TTC14: variants seen among roughly 807,000 people sequenced by gnomAD.
The protein encoded by TTC14 is tetratricopeptide repeat protein 14.
TTC14 carries 63 observed loss-of-function variants against 79.9 expected under a neutral mutation model. The observed-to-expected ratio is 0.79, with a 90% confidence interval of 0.64 to 0.97. The LOEUF (loss-of-function observed/expected upper bound fraction) is 0.97, where lower values mean the gene tolerates loss of function less well. TTC14 is among the 50% of genes least tolerant of loss of function. TTC14 has a pLI of 0.00. For synonymous variants in TTC14, 335 were observed against 309.6 expected (o/e 1.08, Z -0.86); for missense variants, 895 against 894.0 (o/e 1.00, Z -0.01).
At chr3:180,605,698 C>T in intron 6 of TTC14, 68 bp from the exon 7 acceptor site, 1 of 1,153,010 alleles carries the variant, frequency 8.7e-7, no homozygotes, top group Non-Finnish European at 1.2e-6. Flanking sequence ...GCCTGTCAAG[C>T]AGAGTTAAGT....
chr3:180,605,952 T>C (rs1307340669), intron 7 of TTC14, 115 bp downstream of exon 7: 2 of 1,074,476 alleles, frequency 1.9e-6, no homozygotes, highest in Non-Finnish European at 2.7e-6. Context: ...GTGATGCCTT[T>C]TTGACATGAG....
chr3:180,608,183 A>G, intron 10 of TTC14: 1 of 997,252 alleles, frequency 1.0e-6, no homozygotes, highest in South Asian at 4.4e-5. Flanking sequence ...TGTCTGTGAC[A>G]TCTGGTGCTG....
intron 5 of TTC14, 73 bp from the exon 6 acceptor site, chr3:180,604,779 G>A: frequency 6.7e-7 from 1 of 1,487,660 alleles, no homozygotes; most frequent in Non-Finnish European, 9.1e-7. Flanking sequence ...AACCTCAAAT[G>A]ATATTATTTC....
chr3:180,611,827 GAAT>G (rs1717004629), downstream of TTC14, among the ~76,000 whole-genome samples: 1 of 152,198 alleles, frequency 6.6e-6, no homozygotes, highest in Non-Finnish European at 1.5e-5. Context: ...AAGTGAGGGA[GAAT>G]AATAGAGGAA....
At chr3:180,608,450 G>T in intron 10 of TTC14, 3 of 1,031,554 alleles carry the variant, frequency 2.9e-6, no homozygotes, top group Non-Finnish European at 2.3e-6. Flanking sequence ...CACTGCAATG[G>T]CTTCCCCTTT....
rs1020296068 is a variant in TTC14 at position 180,606,968 on chromosome 3, C to G, written c.1172+365C>G. ...CTACTTATATGTGGTTGTCTTATAG[C>G]CTTGTATTGATGTCTTTGAGCTGAG... On this transcript the variant is annotated intron_variant, in intron 9 of 11. Coordinates refer to ENST00000296015, the MANE Select transcript of TTC14 (RefSeq NM_133462.4). Among the ~76,000 whole-genome samples, 3 of 152,186 alleles carry G rather than the reference C, an allele frequency of 2.0e-5. No homozygotes were observed. The East Asian group carries it at 5.8e-4, about 29-fold the overall frequency.
downstream of TTC14, among the ~76,000 whole-genome samples, chr3:180,611,504 A>G (rs1716996117): frequency 6.6e-6 from 1 of 152,134 alleles, no homozygotes; most frequent in South Asian, 2.1e-4. Context: ...TTCTCTGATG[A>G]CCCCTTTCTC....
chr3:180,614,143 T>G (rs1717127085), downstream of TTC14: 1 of 168,806 alleles, frequency 5.9e-6, no homozygotes, highest in South Asian at 1.3e-4. Context: ...TACCTCCAAC[T>G]GTAAATGAAA....
downstream of TTC14, among the ~76,000 whole-genome samples, chr3:180,612,925 A>G (rs1051473311): frequency 2.0e-5 from 3 of 152,216 alleles, no homozygotes. Context: ...TGAGCAGAAA[A>G]CATGAATAGG....
In TTC14 at chr3:180,610,310, G is replaced by A. The variant is rs748655551; in HGVS notation, c.2081G>A (p.Arg694His). The A allele has an allele frequency of 2.7e-5, 44 of 1,613,170 alleles. No individual in the cohort carries two copies. The highest frequency in any genetic ancestry group is 4.0e-5 in the African/African-American group (3 of 74,810). ...KYKKYAHSGS[R>H]DFSRHEQRYR... The stretch of plus-strand genomic sequence containing the variant: ...AAAAAATACGCTCACTCTGGATCAC[G>A]TGATTTCAGTAGACATGAGCAAAGA... The change falls in exon 12 of 12, where the codon CGT becomes CAT. Residue 694 changes from arginine to histidine, a missense_variant. Physicochemically the swap from Arg to His is conservative, Grantham distance 29 (BLOSUM62 0). Coordinates refer to ENST00000296015, the MANE Select transcript of TTC14 (RefSeq NM_133462.4).
intron 9 of TTC14, among the ~76,000 whole-genome samples, chr3:180,607,095 T>C (rs9857489): frequency 0.092 from 13,975 of 152,194 alleles, 705 homozygotes; most frequent in Admixed American, 0.13. Flanking sequence ...AGTGATCCCA[T>C]TGTATTTGTT....
In TTC14 at chr3:180,602,256, C is replaced by G; in HGVS notation, c.-6C>G. 6.2e-7 allele frequency: 1 copy of G among 1,613,790 alleles called. No individual in the cohort carries two copies. The highest frequency in any genetic ancestry group is 2.2e-5 in the East Asian group (1 of 44,882). The stretch of plus-strand genomic sequence containing the variant: ...CGTCGGCCTCCGGGCCCTGCATTCT[C>G]TAGCCATGGACCGGGACCTTTTGCG... On this transcript the variant is annotated 5_prime_UTR_variant, in exon 1 of 12. Coordinates refer to ENST00000296015, the MANE Select transcript of TTC14 (RefSeq NM_133462.4).
chr3:180,615,447 T>G (rs1717194845), downstream of TTC14, among the ~76,000 whole-genome samples: 1 of 152,144 alleles, frequency 6.6e-6, no homozygotes, highest in Non-Finnish European at 1.5e-5. Context: ...TGATACCTTT[T>G]GTAATTTAAG....
chr3:180,617,944 G>C (rs1717308960), downstream of TTC14: 1 of 153,326 alleles, frequency 6.5e-6, no homozygotes, highest in South Asian at 2.1e-4. Flanking sequence ...AGTCCCGCAA[G>C]CTCCATTTAT....
chr3:180,608,961 G>A (rs1716843405), intron 11 of TTC14, 151 bp downstream of exon 11: 3 of 1,189,096 alleles, frequency 2.5e-6, no homozygotes, highest in African/African-American at 3.2e-5. Context: ...TGTGTTCCAT[G>A]TATTTTCTTA....
rs756522808 is a variant in TTC14 at position 180,603,018 on chromosome 3, C to T, written c.286+3C>T. The T allele has an allele frequency of 1.9e-6, 3 of 1,611,656 alleles. No individual in the cohort carries two copies. In the East Asian group the frequency reaches 6.7e-5, roughly 36 times the overall value. On this transcript the variant is annotated splice_donor_region_variant and intron_variant, in intron 2 of 11. Transcript: ENST00000296015. ...TGAAATTAATGAAGACAGTGAAGGT[C>T]AGTTTAGCCTTAAAATCTTTAAGAT...
Position 180,604,215 on chromosome 3 carries a change from C to CTCATTACA in TTC14, c.487-9_487-2dup. On this transcript the variant is annotated splice_polypyrimidine_tract_variant and intron_variant, in intron 3 of 11. Transcript: ENST00000296015. ...AAATGTCTGGTGTTTTAAAATACTT[C>CTCATTACA]TCATTACAGGCTCTTTGTCCCTTAA... The CTCATTACA allele has an allele frequency of 6.2e-7, 1 of 1,608,668 alleles. No individual in the cohort carries two copies. Among genetic ancestry groups the CTCATTACA allele is most frequent in the Non-Finnish European group, 8.5e-7 (1 of 1,176,570 alleles).
At chr3:180,616,945 C>T (rs1717270166) in intron 12 of TTC14, 4 of 1,440,248 alleles carry the variant, frequency 2.8e-6, no homozygotes, top group Non-Finnish European at 3.8e-6. Flanking sequence ...TGTTCTATAA[C>T]ATCTAATGTA....
At chr3:180,611,907 C>T (rs1717009695), downstream of TTC14, among the ~76,000 whole-genome samples, 1 of 152,160 alleles carries the variant, frequency 6.6e-6, no homozygotes, top group African/African-American at 2.4e-5. Context: ...GCCTTAAGTA[C>T]TGGGTGTGTA....
Sources: gnomAD v4.1 joint callset for allele counts (sites outside exome capture counted in the v4.1 genomes callset) on GRCh38, gnomAD v4.1.1 for gene constraint, MANE v1.5 for transcripts, NCBI Gene and HGNC (gene_info 2026-07-23, HGNC 2026-07-21) for gene names.